Variants in EP400 observed in about 807,000 individuals in gnomAD.
EP400 encodes the protein E1A-binding protein p400.
EP400 carries 105 observed loss-of-function variants against 354.1 expected under a neutral mutation model. The observed-to-expected ratio is 0.30, with a 90% confidence interval of 0.25 to 0.35. The LOEUF (loss-of-function observed/expected upper bound fraction) is 0.35, where lower values mean the gene tolerates loss of function less well. EP400 is among the 10% of genes least tolerant of loss of function. EP400 has a pLI of 1.00. For missense variants in EP400, 3,280 were observed against 4,121.0 expected, an observed-to-expected ratio of 0.80 and a Z score of 5.59; for synonymous variants, 1,646 against 1,716.9, an observed-to-expected ratio of 0.96 and a Z score of 1.02.
Position 132,027,312 on chromosome 12 carries a change from C to G in EP400, c.5015-125C>G. On this transcript the variant is annotated intron_variant, in intron 25 of 52. Coordinates refer to ENST00000389561, the MANE Select transcript of EP400 (RefSeq NM_015409.5). The surrounding 1 kb of genome is among the most constrained non-coding windows in gnomAD (Gnocchi z 4.9). ...TGGAGGATGAGGACTTGGGGACATG[C>G]CGTTGCAGAATGACTTTCTGTGGAG... is the stretch of plus-strand genomic sequence containing the variant. The G allele has an allele frequency of 1.1e-6, 1 of 896,956 alleles. No individual in the cohort carries two copies. Among genetic ancestry groups the G allele is most frequent in the Non-Finnish European group, 1.8e-6 (1 of 554,974 alleles). 55.6% of individuals were successfully genotyped at this position (896,956 alleles called of 1,614,324 possible). A position where few individuals can be genotyped will look rare whatever the true frequency, so the allele number is the denominator to read the frequency against.
At chr12:131,975,825 C>T (rs1480249893) in intron 2 of EP400, among the ~76,000 whole-genome samples, 1 of 152,118 alleles carries the variant, frequency 6.6e-6, no homozygotes, top group Non-Finnish European at 1.5e-5. Context: ...TCCCAAATGG[C>T]TGGAAATACA....
Position 132,029,713 on chromosome 12 carries a change from G to T in EP400, c.5394G>T (p.Val1798=), listed in dbSNP as rs1894423142. ...LQDVIDRVAF[V]IPPVVAAPPS... ...TTCTGCTCCTCAGGGTGGCCTTTGT[G>T]ATTCCTCCGGTGGTGGCAGCACCCC... Residue 1798 remains valine (V), a synonymous_variant, in exon 28 of 53, where the codon GTG becomes GTT. Transcript: ENST00000389561. The surrounding 1 kb of genome is among the most constrained non-coding windows in gnomAD (Gnocchi z 4.7). The T allele has an allele frequency of 6.2e-7, 1 of 1,612,430 alleles. No homozygotes were observed. The highest frequency in any genetic ancestry group is 1.3e-5 in the African/African-American group (1 of 74,898).
rs1375588343 is a variant in EP400, at chr12:131,972,697, C to T, written c.1336-6997C>T. 4.1e-5 allele frequency among the ~76,000 whole-genome samples: 6 copies of T among 147,008 alleles called. No individual in the cohort carries two copies. The South Asian group carries it at 6.5e-4, about 16-fold the overall frequency. ...TTCCTGTTAGAGAAAATGAATAATT[C>T]GCCATAATTTTATCACCCTAACACA... On this transcript the variant is annotated intron_variant, in intron 2 of 52. Transcript: ENST00000389561.
In EP400 at chr12:132,025,768, G is replaced by T. The variant is rs768989526; in HGVS notation, c.4978G>T (p.Ala1660Ser). ...CGGCGCCCTGGGAAGCAAGCCCCCG[G>T]CCGGCGGTCCCAGCCCTGCACCCTT... is the stretch of plus-strand genomic sequence containing the variant. ...VHGALGSKPP[A>S]GGPSPAPLTP... The change falls in exon 25 of 53, where the codon GCC (alanine) becomes TCC (serine). Residue 1660 changes from alanine (A) to serine (S), a missense_variant. This residue lies in a region of EP400 where 459 missense variants were observed against 496.9 expected (regional missense o/e 0.92). Coordinates refer to ENST00000389561, the MANE Select transcript of EP400 (RefSeq NM_015409.5). The surrounding 1 kb of genome is among the most constrained non-coding windows in gnomAD (Gnocchi z 4.1). 1 of 1,611,610 alleles carries T rather than the reference G, an allele frequency of 6.2e-7. No individual in the cohort carries two copies. Among genetic ancestry groups the T allele is most frequent in the African/African-American group, 1.3e-5 (1 of 74,910 alleles).
In EP400 at chr12:132,077,540, C is replaced by T. The variant is rs376144008; in HGVS notation, c.9239C>T (p.Pro3080Leu). ...CAGGTGGTGACCACGGCGTCGGCCCCGCTCCAGACTCCAGGCGCTCCCAAC... is the reference window on the plus strand; with the variant it reads ...CAGGTGGTGACCACGGCGTCGGCCCTGCTCCAGACTCCAGGCGCTCCCAAC... Reference protein sequence around the residue: ...QQQVVTTASAPLQTPGAPNPA... With the variant: ...QQQVVTTASALLQTPGAPNPA... Residue 3080 changes from proline to leucine, a missense_variant, in exon 53 of 53, where the codon CCG (proline) becomes CTG (leucine). By Grantham distance (98) the Pro-to-Leu change is moderately conservative. Transcript: ENST00000389561. The T allele has an allele frequency of 1.1e-5, 18 of 1,613,786 alleles. No homozygotes were observed. The highest frequency in any genetic ancestry group is 1.7e-5 in the Admixed American group (1 of 59,998).
At chr12:131,952,944 C>T (rs1891566048) in intron 1 of EP400, among the ~76,000 whole-genome samples, 1 of 152,144 alleles carries the variant, frequency 6.6e-6, no homozygotes, top group Admixed American at 6.6e-5. Context: ...TTAAGAGTTC[C>T]TTTGCCCTTT....
chr12:131,965,961 T>C (rs1337145005), intron 2 of EP400, among the ~76,000 whole-genome samples: 1 of 152,108 alleles, frequency 6.6e-6, no homozygotes, highest in African/African-American at 2.4e-5. Flanking sequence ...TAGGTATTCA[T>C]TTCATTTGGA....
intron 2 of EP400, among the ~76,000 whole-genome samples, chr12:131,962,686 C>T (rs1015683810): frequency 6.6e-6 from 1 of 152,140 alleles, no homozygotes; most frequent in African/African-American, 2.4e-5. Context: ...TAATAAACCC[C>T]CTACCTGAGA....
At chr12:131,975,198 G>C (rs1160570407) in intron 2 of EP400, among the ~76,000 whole-genome samples, 2 of 152,110 alleles carry the variant, frequency 1.3e-5, no homozygotes, top group Non-Finnish European at 2.9e-5. Context: ...GCCACAGCCG[G>C]GGAGCAGTCA....
At chr12:131,950,295 T>A (rs1891419224) in intron 1 of EP400, among the ~76,000 whole-genome samples, 1 of 151,992 alleles carries the variant, frequency 6.6e-6, no homozygotes, top group Non-Finnish European at 1.5e-5. Flanking sequence ...CCATTTCTCG[T>A]GGCCCCCCGG....
intron 4 of EP400, 76 bp from the exon 5 acceptor site, chr12:131,982,017 G>C (rs1176348202): frequency 6.7e-7 from 1 of 1,484,406 alleles, no homozygotes; most frequent in South Asian, 1.4e-5. Context: ...GGTGTTAGAC[G>C]TGTCTCCTTG....
chr12:131,969,501 C>T (rs1437935458), intron 2 of EP400, among the ~76,000 whole-genome samples: 1 of 152,068 alleles, frequency 6.6e-6, no homozygotes, highest in Non-Finnish European at 1.5e-5. Context: ...TTTTGATGCT[C>T]AGGTTATCTG....
intron 32 of EP400, among the ~76,000 whole-genome samples, chr12:132,039,620 A>C (rs55951910): frequency 0.3 from 45,330 of 152,132 alleles, 11,830 homozygotes; most frequent in African/African-American, 0.71. Context: ...TAGAGATTGC[A>C]TGTGTATCAT....
rs1199665431 is a variant in EP400 at position 132,067,578 on chromosome 12, T to A, written c.8874+92T>A. On this transcript the variant is annotated intron_variant, in intron 50 of 52. Transcript: ENST00000389561. This position sits in a 1 kb window ranked among gnomAD's most constrained non-coding sequence, Gnocchi z 5.3. ...GGTCCTAAGCAGACAAATCCCCATG[T>A]GGCGGCTCACGCTTTTCAGAGGGTG... 5 of 1,517,360 alleles carry A rather than the reference T, an allele frequency of 3.3e-6. No individual in the cohort carries two copies. Among genetic ancestry groups the A allele is most frequent in the Non-Finnish European group, 4.4e-6 (5 of 1,133,968 alleles). 94.0% of individuals were successfully genotyped at this position (1,517,360 alleles called of 1,614,324 possible).
chr12:132,046,903 C>T (rs1895116506), intron 39 of EP400, among the ~76,000 whole-genome samples: 1 of 152,226 alleles, frequency 6.6e-6, no homozygotes, highest in Non-Finnish European at 1.5e-5. Flanking sequence ...GTGTGGGGAC[C>T]ACCGCCTTTC....
intron 5 of EP400, among the ~76,000 whole-genome samples, chr12:131,984,110 C>T (rs1177919061): frequency 6.6e-6 from 1 of 152,120 alleles, no homozygotes; most frequent in Non-Finnish European, 1.5e-5. Flanking sequence ...ATGGGTTAGG[C>T]TGGTCTTGAA....
intron 23 of EP400, among the ~76,000 whole-genome samples, chr12:132,023,536 C>A (rs1369457917): frequency 6.6e-6 from 1 of 152,010 alleles, no homozygotes; most frequent in Non-Finnish European, 1.5e-5. Context: ...TATCTGATAT[C>A]TAAAATCCCA....
At chr12:132,058,151 G>C (rs953226259) in intron 45 of EP400, among the ~76,000 whole-genome samples, 1 of 152,180 alleles carries the variant, frequency 6.6e-6, no homozygotes, top group Non-Finnish European at 1.5e-5. Flanking sequence ...CCAGTCTTGT[G>C]AGCGGAGGGT....
chr12:132,070,030 T>C lies in EP400; in HGVS notation c.9021+389T>C, dbSNP rs984909266. On this transcript the variant is annotated intron_variant, in intron 51 of 52. Transcript: ENST00000389561. The surrounding 1 kb of genome is among the most constrained non-coding windows in gnomAD (Gnocchi z 4.1). Reference sequence around the variant, plus strand: ...TTCTACCTGGTGTCTTTGGGAGAACTGAGTTCCTGATTTCATGTGTGCAGT... The same window carrying C: ...TTCTACCTGGTGTCTTTGGGAGAACCGAGTTCCTGATTTCATGTGTGCAGT... 6.6e-6 allele frequency among the ~76,000 whole-genome samples: 1 copy of C among 152,210 alleles called. No individual in the cohort carries two copies. Among genetic ancestry groups the C allele is most frequent in the African/African-American group, 2.4e-5 (1 of 41,446 alleles).
Sources: gnomAD v4.1 joint callset for allele counts (sites outside exome capture counted in the v4.1 genomes callset) on GRCh38, gnomAD v4.1.1 for gene constraint, gnomAD v4.1.1 regional missense constraint, Gnocchi (gnomAD v3.1) non-coding constraint, MANE v1.5 for transcripts, NCBI Gene and HGNC (gene_info 2026-07-23, HGNC 2026-07-21) for gene names.